Variants in SMG7 observed in about 807,000 individuals in gnomAD.
SMG7 encodes nonsense-mediated mRNA decay factor SMG7.
In SMG7, 34 loss-of-function variants were observed where a neutral mutation model predicts 148.2. The ratio of observed to expected loss-of-function variants is 0.23; its 90% CI spans 0.17 to 0.31. The LOEUF is 0.31. Ranked by LOEUF, SMG7 falls within the 10% of genes least tolerant of loss-of-function variation. The pLI is 1.00. For synonymous variants in SMG7, 492 were observed against 515.1 expected (o/e 0.96, Z 0.61); for missense variants, 1,114 against 1,408.4 (o/e 0.79, Z 3.35).
At chr1:183,492,653 T>G (rs570245873) in intron 1 of SMG7, among the ~76,000 whole-genome samples, 46 of 152,356 alleles carry the variant, frequency 3.0e-4, no homozygotes, top group African/African-American at 1.1e-3. Flanking sequence ...ATATAAATCC[T>G]TCTGAAGAAT....
Position 183,512,817 on chromosome 1 carries a change from T to TC in SMG7, c.30-20_30-19insC. ...GTTTCTAACTGATACTCTTTTTTTT[T>TC]TTTTTTTTTTTCTATCTAGGCAGGC... On this transcript the variant is annotated intron_variant, in intron 1 of 22. Coordinates refer to ENST00000688051, the MANE Select transcript of SMG7 (RefSeq NM_001375584.1). The TC allele has an allele frequency of 6.4e-7, 1 of 1,566,064 alleles. No individual in the cohort carries two copies.
intron 6 of SMG7, 31 bp from the exon 7 acceptor site, chr1:183,528,861 G>T: frequency 6.3e-7 from 1 of 1,585,900 alleles, no homozygotes; most frequent in Non-Finnish European, 8.6e-7. Flanking sequence ...CACTCTTGGG[G>T]TTACTCCAGA....
chr1:183,497,926 AAAAG>A lies in SMG7; in HGVS notation c.30-14908_30-14905del, dbSNP rs1159522011. 3.9e-4 allele frequency among the ~76,000 whole-genome samples: 60 copies of A among 152,212 alleles called. 1 individual carries two copies. Among genetic ancestry groups the A allele is most frequent in the Non-Finnish European group, 1.5e-5 (1 of 68,050 alleles). On this transcript the variant is annotated intron_variant, in intron 1 of 22. Coordinates refer to ENST00000688051, the MANE Select transcript of SMG7 (RefSeq NM_001375584.1). The stretch of plus-strand genomic sequence containing the variant: ...TCTTTGCTCAGGAAAATAATCAAGA[AAAAG>A]AACTGTCTAGATAATTAAATTGTCA...
At chr1:183,475,510 A>C (rs1391402499) in intron 1 of SMG7, among the ~76,000 whole-genome samples, 7 of 152,252 alleles carry the variant, frequency 4.6e-5, no homozygotes, top group African/African-American at 1.4e-4. Flanking sequence ...GTGTTAGGAA[A>C]ATGACTCTGT....
chr1:183,546,051 C>T lies in SMG7; in HGVS notation c.2456C>T (p.Pro819Leu). The change falls in exon 17 of 23, where the codon CCC becomes CTC. Residue 819 changes from proline to leucine, a missense_variant. Transcript: ENST00000688051. ...PLGKIMPVKQ[P>L]YYLQTQDPIK... ...GGGAAAATTATGCCTGTGAAACAGC[C>T]CTACTACCTTCAGACCCAAGACCCC... 6.2e-7 allele frequency: 1 copy of T among 1,614,022 alleles called. No individual in the cohort carries two copies. Among genetic ancestry groups the T allele is most frequent in the South Asian group, 1.1e-5 (1 of 91,072 alleles).
intron 1 of SMG7, among the ~76,000 whole-genome samples, chr1:183,507,823 A>G (rs1284001319): frequency 6.6e-6 from 1 of 152,194 alleles, no homozygotes; most frequent in Non-Finnish European, 1.5e-5. Context: ...ATTAGCTTTC[A>G]ACATAGTTGG....
intron 1 of SMG7, among the ~76,000 whole-genome samples, chr1:183,487,089 A>C (rs1169977065): frequency 6.6e-6 from 1 of 152,162 alleles, no homozygotes; most frequent in Non-Finnish European, 1.5e-5. Flanking sequence ...TTCCTGCTCT[A>C]ACAAATTACT....
At chr1:183,473,569 A>G (rs1048820931) in intron 1 of SMG7, among the ~76,000 whole-genome samples, 3 of 152,190 alleles carry the variant, frequency 2.0e-5, no homozygotes, top group Admixed American at 6.5e-5. Context: ...GAAAGGTTCC[A>G]TGGAAGCTGA....
chr1:183,542,817 A>G (rs556178168), intron 14 of SMG7, among the ~76,000 whole-genome samples: 32 of 152,096 alleles, frequency 2.1e-4, no homozygotes, highest in Non-Finnish European at 4.0e-4. Context: ...TATAACTACC[A>G]TTTGTCAATG....
chr1:183,476,634 T>C (rs1217669616), intron 1 of SMG7, among the ~76,000 whole-genome samples: 1 of 152,180 alleles, frequency 6.6e-6, no homozygotes, highest in African/African-American at 2.4e-5. Context: ...GTGGGAAAGA[T>C]GATGATATTC....
chr1:183,487,866 G>A (rs1410493084), intron 1 of SMG7, among the ~76,000 whole-genome samples: 1 of 152,216 alleles, frequency 6.6e-6, no homozygotes, highest in Non-Finnish European at 1.5e-5. Context: ...TCAAAAATAG[G>A]AAGAGAAATT....
At chr1:183,513,113 A>G (rs1487326084) in intron 2 of SMG7, 4 of 398,706 alleles carry the variant, frequency 1.0e-5, no homozygotes, top group Non-Finnish European at 1.7e-5. Context: ...AATTTAGTTT[A>G]TATAATCACT....
At chr1:183,545,716 T>C (rs923720027) in intron 16 of SMG7, among the ~76,000 whole-genome samples, 17 of 152,208 alleles carry the variant, frequency 1.1e-4, no homozygotes, top group African/African-American at 4.1e-4. Context: ...AACACTCTTA[T>C]GCAAATATAT....
intron 1 of SMG7, among the ~76,000 whole-genome samples, chr1:183,505,527 C>G (rs567591876): frequency 2.5e-4 from 38 of 152,326 alleles, no homozygotes; most frequent in Non-Finnish European, 5.0e-4. Flanking sequence ...CATTTACTCT[C>G]ATGGTTTTAA....
chr1:183,482,006 A>G (rs1035674243), intron 1 of SMG7, among the ~76,000 whole-genome samples: 8 of 152,120 alleles, frequency 5.3e-5, no homozygotes, highest in Non-Finnish European at 1.0e-4. Context: ...GATGAGCAGG[A>G]TTAGCCAGGT....
At position 183,537,167 on chromosome 1, in the gene SMG7, C is replaced by G; in HGVS notation, c.1186C>G (p.Leu396Val). 2 of 1,612,886 alleles carry G rather than the reference C, an allele frequency of 1.2e-6. No homozygotes were observed. Among genetic ancestry groups the G allele is most frequent in the Non-Finnish European group, 1.7e-6 (2 of 1,179,004 alleles). Residue 396 changes from leucine (L) to valine (V), a missense_variant, in exon 11 of 23, where the codon CTT becomes GTT. By Grantham distance (32) the Leu-to-Val change is conservative. Around this residue, in one of 4 missense-constraint regions of SMG7, gnomAD observed 102 missense variants for 147.2 expected, o/e 0.69. Coordinates refer to ENST00000688051, the MANE Select transcript of SMG7 (RefSeq NM_001375584.1). ...CAGCATTTGGCCCTGGTTGATTTCT[C>G]TTCTGAATAGTTTCCATCCCCATGA... ...RQYIWPWLISLLNSFHPHEED... is the reference protein window; with the variant it reads ...RQYIWPWLISVLNSFHPHEED...
chr1:183,546,361 G>C (rs1669929884), intron 17 of SMG7, 24 bp downstream of exon 17: 1 of 1,585,046 alleles, frequency 6.3e-7, no homozygotes, highest in African/African-American at 1.4e-5. Context: ...CCTATCACCA[G>C]GCAATTTGGA....
At chr1:183,475,367 C>T (rs1275451798) in intron 1 of SMG7, among the ~76,000 whole-genome samples, 7 of 152,102 alleles carry the variant, frequency 4.6e-5, no homozygotes, top group African/African-American at 7.2e-5. Flanking sequence ...ACAAAGTGGT[C>T]GGGGAAATCC....
chr1:183,523,057 G>C (rs565112705), intron 4 of SMG7, among the ~76,000 whole-genome samples: 1 of 151,996 alleles, frequency 6.6e-6, no homozygotes, highest in Middle Eastern at 3.4e-3. Context: ...CCAAATTCCT[G>C]GTCAAAGTAA....
Sources: gnomAD v4.1 joint callset for allele counts (sites outside exome capture counted in the v4.1 genomes callset) on GRCh38, gnomAD v4.1.1 for gene constraint, gnomAD v4.1.1 regional missense constraint, MANE v1.5 for transcripts, NCBI Gene and HGNC (gene_info 2026-07-23, HGNC 2026-07-21) for gene names.